Variants in AKAP14 observed in about 807,000 individuals in gnomAD.
The protein encoded by AKAP14 is A-kinase anchoring protein 14.
In AKAP14, 4 loss-of-function variants were observed where a neutral mutation model predicts 17.0. The ratio of observed to expected loss-of-function variants is 0.23; its 90% confidence interval spans 0.12 to 0.54. The LOEUF (loss-of-function observed/expected upper bound fraction) is 0.54, where lower values mean the gene tolerates loss of function less well. Ranked by LOEUF, AKAP14 falls within the 20% of genes least tolerant of loss-of-function variation. AKAP14 has a pLI of 0.95. For missense variants in AKAP14, 129 were observed against 150.9 expected (o/e 0.85, Z 0.76); for synonymous variants, 42 against 51.3 (o/e 0.82, Z 0.77).
At chrX:119,916,538 C>A (rs5957271) in intron 5 of AKAP14, among the ~76,000 whole-genome samples, 10,762 of 107,757 alleles carry the variant, frequency 0.1, 624 homozygotes, top group African/African-American at 0.22. Flanking sequence ...GTCACCCTGG[C>A]TGGCGGGCAG....
In AKAP14 at chrX:119,916,437, T is replaced by A. The variant is rs183671258; in HGVS notation, c.441+1559T>A. Among the ~76,000 whole-genome samples, 5 of 30,685 alleles carry A rather than the reference T, an allele frequency of 1.6e-4. No individual in the cohort carries two copies. In the East Asian group the frequency reaches 3.0e-3, roughly 18 times the overall value. The allele number at this position is 30,685 out of a possible 115,157, so 26.6% of individuals were successfully genotyped here. A position where few individuals can be genotyped will look rare whatever the true frequency, so the allele number is the denominator to read the frequency against. ...TCTATATCTGTCTGCCTATCTAATC[T>A]ATCTATCTATCTATCTATCTATCTA... is the stretch of plus-strand genomic sequence containing the variant. On this transcript the variant is annotated intron_variant, in intron 5 of 6. Transcript: ENST00000371431.
intron 4 of AKAP14, 134 bp from the exon 5 acceptor site, chrX:119,914,562 ATCC>A (rs1410015101): frequency 5.3e-6 from 3 of 561,074 alleles, no homozygotes; most frequent in Admixed American, 4.1e-5. Context: ...GGCTCAAGCA[ATCC>A]TCCTGCCTCG....
At chrX:119,897,376 G>A (rs928375477) in intron 2 of AKAP14, among the ~76,000 whole-genome samples, 9 of 106,807 alleles carry the variant, frequency 8.4e-5, no homozygotes, top group African/African-American at 3.1e-4. Flanking sequence ...AGCCAGGATG[G>A]TCTCGATCTC....
At chrX:119,919,750 G>T (rs1016657178) in intron 5 of AKAP14, 161 bp from the exon 6 acceptor site, 8 of 443,457 alleles carry the variant, frequency 1.8e-5, no homozygotes, top group African/African-American at 1.7e-4. Context: ...GGAGGCTGAG[G>T]CAGGAGAATC....
intron 4 of AKAP14, among the ~76,000 whole-genome samples, chrX:119,908,148 G>A (rs7879717): frequency 0.085 from 9,320 of 110,089 alleles, 459 homozygotes; most frequent in African/African-American, 0.19. Context: ...TTAACTGGGT[G>A]TGGTAGTGTG....
chrX:119,899,012 C>A, intron 2 of AKAP14, among the ~76,000 whole-genome samples: 1 of 107,102 alleles, frequency 9.3e-6, no homozygotes. Context: ...ACTAAAAATA[C>A]AAAAATTAGC....
Position 119,914,798 on chromosome X carries a change from A to G in AKAP14, c.361A>G (p.Ile121Val), listed in dbSNP as rs746916444. ...CTACATCTACTATGTACACTGGAGT[A>G]TCTCAACTGCTGACCTACCCGTAGC... ...FLYIYYVHWSISTADLPVARI... is the reference protein window; with the variant it reads ...FLYIYYVHWSVSTADLPVARI... Residue 121 changes from isoleucine to valine, a missense_variant, in exon 5 of 7, where the codon ATC (isoleucine) becomes GTC (valine). Coordinates refer to ENST00000371431, the MANE Select transcript of AKAP14 (RefSeq NM_178813.6). 1 of 1,210,789 alleles carries G rather than the reference A, an allele frequency of 8.3e-7. No individual in the cohort carries two copies. The highest frequency in any genetic ancestry group is 2.2e-5 in the Admixed American group (1 of 45,951).
chrX:119,919,877 G>C, intron 5 of AKAP14, 34 bp from the exon 6 acceptor site: 1 of 1,197,131 alleles, frequency 8.4e-7, no homozygotes, highest in Non-Finnish European at 1.1e-6. Flanking sequence ...TGGTATGACT[G>C]GTCTGGGCTA....
At chrX:119,904,541 TAA>T (rs2056586615) in intron 4 of AKAP14, among the ~76,000 whole-genome samples, 1 of 111,587 alleles carries the variant, frequency 9.0e-6, no homozygotes, top group Non-Finnish European at 1.9e-5. Flanking sequence ...CATTTGAGCC[TAA>T]GAGTTTGAGA....
At chrX:119,919,650 A>C in intron 5 of AKAP14, 1 of 271,018 alleles carries the variant, frequency 3.7e-6, no homozygotes, top group Non-Finnish European at 6.5e-6. Context: ...ATTCGAGACC[A>C]GCCTGGGCAA....
At chrX:119,915,200 T>C (rs2056650581) in intron 5 of AKAP14, among the ~76,000 whole-genome samples, 1 of 111,846 alleles carries the variant, frequency 8.9e-6, no homozygotes, top group Non-Finnish European at 1.9e-5. Flanking sequence ...CTTGGACCTC[T>C]TCTCTAATAC....
At position 119,919,896 on chromosome X, in the gene AKAP14, CCTT is replaced by C. The variant is rs1419085032; in HGVS notation, c.442-12_442-10del. The C allele has an allele frequency of 3.3e-6, 4 of 1,204,983 alleles. No homozygotes were observed. Among genetic ancestry groups the C allele is most frequent in the South Asian group, 3.5e-5 (2 of 56,462 alleles). ...ATGACTGGTCTGGGCTAACAGTTGT[CCTT>C]CTCTTTTTTAGGATGCACCCATTGT... On this transcript the variant is annotated splice_polypyrimidine_tract_variant and intron_variant, in intron 5 of 6. Transcript: ENST00000371431.
Position 119,918,056 on chromosome X carries a change from A to G in AKAP14, c.442-1855A>G, listed in dbSNP as rs189891765. Among the ~76,000 whole-genome samples, 41 of 111,525 alleles carry G rather than the reference A, an allele frequency of 3.7e-4. No homozygotes were observed. The East Asian group carries it at 0.011, about 30-fold the overall frequency. Reference sequence around the variant, plus strand: ...GCCATTCTGATCTTGCTTCTCCTCAAATAAGTCAGGTATAGTCCTGCCTCA... The same window carrying G: ...GCCATTCTGATCTTGCTTCTCCTCAGATAAGTCAGGTATAGTCCTGCCTCA... On this transcript the variant is annotated intron_variant, in intron 5 of 6. Coordinates refer to ENST00000371431, the MANE Select transcript of AKAP14 (RefSeq NM_178813.6).
At chrX:119,902,980 C>T (rs987980536) in intron 2 of AKAP14, among the ~76,000 whole-genome samples, 4 of 112,296 alleles carry the variant, frequency 3.6e-5, no homozygotes, top group Admixed American at 2.9e-4. Flanking sequence ...CGTGAGCCAC[C>T]GCGCCGGGCC....
chrX:119,919,388 T>C (rs756539442), intron 5 of AKAP14, among the ~76,000 whole-genome samples: 90 of 112,344 alleles, frequency 8.0e-4, no homozygotes, highest in African/African-American at 2.7e-3. Context: ...ATTTCCAATA[T>C]TGTAAAGATT....
chrX:119,912,419 G>A (rs753821972), intron 4 of AKAP14, among the ~76,000 whole-genome samples: 24 of 111,400 alleles, frequency 2.2e-4, no homozygotes, highest in African/African-American at 7.8e-4. Flanking sequence ...AGTGGGACTG[G>A]AGAAGAATGG....
rs376355314 is a variant in AKAP14, at chrX:119,914,799, T to C, written c.362T>C (p.Ile121Thr). 8.3e-7 allele frequency: 1 copy of C among 1,210,640 alleles called. No individual in the cohort carries two copies. Among genetic ancestry groups the C allele is most frequent in the Non-Finnish European group, 1.1e-6 (1 of 894,610 alleles). ...TACATCTACTATGTACACTGGAGTATCTCAACTGCTGACCTACCCGTAGCA... is the reference window on the plus strand; with the variant it reads ...TACATCTACTATGTACACTGGAGTACCTCAACTGCTGACCTACCCGTAGCA... Reference protein sequence around the residue: ...FLYIYYVHWSISTADLPVARI... With the variant: ...FLYIYYVHWSTSTADLPVARI... Residue 121 changes from isoleucine to threonine, a missense_variant, in exon 5 of 7, where the codon ATC becomes ACC. Transcript: ENST00000371431.
chrX:119,914,152 C>T (rs1253924821), intron 4 of AKAP14, among the ~76,000 whole-genome samples: 2 of 106,182 alleles, frequency 1.9e-5, no homozygotes, highest in Non-Finnish European at 3.9e-5. Context: ...GCAGGAGAAT[C>T]GCTTGAATCT....
chrX:119,901,877 C>T (rs1307263238), intron 2 of AKAP14, among the ~76,000 whole-genome samples: 1 of 105,376 alleles, frequency 9.5e-6, no homozygotes, highest in African/African-American at 3.5e-5. Flanking sequence ...GGCGTGGTGG[C>T]GCATGCCTCC....
Sources: gnomAD v4.1 joint callset for allele counts (sites outside exome capture counted in the v4.1 genomes callset) on GRCh38, gnomAD v4.1.1 for gene constraint, MANE v1.5 for transcripts, NCBI Gene and HGNC (gene_info 2026-07-23, HGNC 2026-07-21) for gene names.